The following CSGALNACT1 variants were observed in gnomAD, a reference collection of about 807,000 sequenced individuals.
The protein encoded by CSGALNACT1 is chondroitin sulfate N-acetylgalactosaminyltransferase 1.
Under a neutral mutation model 51.0 loss-of-function variants are expected in CSGALNACT1, and 52 were observed. That is an observed-to-expected ratio of 1.02 (90% CI 0.82 to 1.29). CSGALNACT1 has a LOEUF of 1.29. Ranked by LOEUF, CSGALNACT1 falls within the 50% of genes most tolerant of loss-of-function variation. The probability of loss-of-function intolerance (pLI) is 0.00; values close to 1 mark genes in which losing one functional copy is unlikely to be tolerated. For missense variants in CSGALNACT1, 935 were observed against 679.2 expected, an observed-to-expected ratio of 1.38 and a Z score of -4.19; for synonymous variants, 341 against 254.4, an observed-to-expected ratio of 1.34 and a Z score of -3.24.
chr8:19,473,630 G>A (rs111689827), intron 4 of CSGALNACT1, among the ~76,000 whole-genome samples: 141 of 152,278 alleles, frequency 9.3e-4, no homozygotes, highest in African/African-American at 3.2e-3. Context: ...CACAGTATCT[G>A]TTCAAAGCCT....
chr8:19,521,566 C>A (rs932790466), intron 3 of CSGALNACT1, among the ~76,000 whole-genome samples: 6 of 152,076 alleles, frequency 3.9e-5, no homozygotes, highest in Non-Finnish European at 7.4e-5. Context: ...GCTTGTAATC[C>A]CAGCTATTCA....
intron 4 of CSGALNACT1, among the ~76,000 whole-genome samples, chr8:19,489,305 C>A (rs918836453): frequency 6.6e-6 from 1 of 152,128 alleles, no homozygotes; most frequent in Non-Finnish European, 1.5e-5. Flanking sequence ...TCATCACTAT[C>A]CAATGTTTAT....
chr8:19,427,398 G>A (rs559073271), intron 6 of CSGALNACT1, among the ~76,000 whole-genome samples: 1 of 152,330 alleles, frequency 6.6e-6, no homozygotes, highest in Admixed American at 6.5e-5. Flanking sequence ...ATCAAAGCCA[G>A]CTTCAGCGGG....
intron 1 of CSGALNACT1, among the ~76,000 whole-genome samples, chr8:19,620,627 G>T (rs985410753): frequency 6.6e-6 from 1 of 152,068 alleles, no homozygotes; most frequent in South Asian, 2.1e-4. Context: ...TGAGATGGGG[G>T]TCTCACTACG....
At chr8:19,589,672 T>C (rs991046848) in intron 3 of CSGALNACT1, among the ~76,000 whole-genome samples, 1 of 152,156 alleles carries the variant, frequency 6.6e-6, no homozygotes, top group African/African-American at 2.4e-5. Context: ...TAACTGAAAT[T>C]AAAATAATCT....
intron 1 of CSGALNACT1, among the ~76,000 whole-genome samples, chr8:19,745,084 T>C (rs555412437): frequency 3.3e-4 from 50 of 152,338 alleles, no homozygotes; most frequent in Non-Finnish European, 5.1e-4. Context: ...CCTGTCATAG[T>C]CGTCTGACCC....
At chr8:19,555,646 C>T (rs2089529172) in intron 3 of CSGALNACT1, among the ~76,000 whole-genome samples, 1 of 152,204 alleles carries the variant, frequency 6.6e-6, no homozygotes, top group African/African-American at 2.4e-5. Context: ...GGTTACAATG[C>T]TGTTTATTGC....
chr8:19,439,909 C>T (rs2061028853), exon 6 of CSGALNACT1: 5 of 1,614,070 alleles, frequency 3.1e-6, no homozygotes, highest in African/African-American at 1.3e-5. Flanking sequence ...TGGACTCTCC[C>T]ATCCTGCTCA....
intron 5 of CSGALNACT1, among the ~76,000 whole-genome samples, chr8:19,443,264 A>G (rs535709075): frequency 6.6e-6 from 1 of 152,306 alleles, no homozygotes; most frequent in South Asian, 2.1e-4. Context: ...GTATGTGTAA[A>G]TGTGAATATA....
chr8:19,736,318 T>C (rs2063969855), intron 1 of CSGALNACT1, among the ~76,000 whole-genome samples: 1 of 152,194 alleles, frequency 6.6e-6, no homozygotes, highest in Non-Finnish European at 1.5e-5. Flanking sequence ...CTTGAGTAGT[T>C]GTAACTTACA....
At chr8:19,624,164 G>T (rs2054167023) in intron 1 of CSGALNACT1, among the ~76,000 whole-genome samples, 1 of 152,166 alleles carries the variant, frequency 6.6e-6, no homozygotes, top group Admixed American at 6.5e-5. Context: ...CAACAGTGTA[G>T]CCCCTCTGAG....
In CSGALNACT1 at chr8:19,528,196, C is replaced by A. The variant is rs559166741; in HGVS notation, c.-296-22066G>T. 2.0e-5 allele frequency among the ~76,000 whole-genome samples: 3 copies of A among 151,988 alleles called. No homozygotes were observed. The South Asian group carries it at 6.2e-4, about 32-fold the overall frequency. ...GCCCATTTTTGCCACGTATCCCGGT[C>A]ATGTTCTCCAAATTAGCCAATATTT... On this transcript the variant is annotated intron_variant, in intron 3 of 9. Coordinates refer to ENST00000454498, the Ensembl canonical transcript of CSGALNACT1.
chr8:19,680,419 G>T (rs1025271128), intron 1 of CSGALNACT1, among the ~76,000 whole-genome samples: 20 of 152,022 alleles, frequency 1.3e-4, no homozygotes, highest in African/African-American at 4.8e-4. Flanking sequence ...AGCCGGGTGT[G>T]GTGGCGGGTG....
chr8:19,597,492 G>A (rs1374373337), intron 2 of CSGALNACT1, among the ~76,000 whole-genome samples: 1 of 151,700 alleles, frequency 6.6e-6, no homozygotes, highest in Non-Finnish European at 1.5e-5. Flanking sequence ...TTGTAGAGAT[G>A]GGGTCTTCTC....
At chr8:19,478,758 A>C (rs1234083665) in intron 4 of CSGALNACT1, among the ~76,000 whole-genome samples, 2 of 152,204 alleles carry the variant, frequency 1.3e-5, no homozygotes, top group Non-Finnish European at 2.9e-5. Context: ...GCTTCAGTAA[A>C]AAAGCATTAA....
chr8:19,435,607 G>T (rs1489301642), intron 6 of CSGALNACT1, among the ~76,000 whole-genome samples: 1 of 152,154 alleles, frequency 6.6e-6, no homozygotes, highest in African/African-American at 2.4e-5. Flanking sequence ...CTAGTTCAGT[G>T]ATGGTTCCCA....
intron 3 of CSGALNACT1, among the ~76,000 whole-genome samples, chr8:19,582,282 C>T (rs2045742918): frequency 6.6e-6 from 1 of 152,176 alleles, no homozygotes; most frequent in African/African-American, 2.4e-5. Context: ...AAGACACCAA[C>T]AGACAAACCT....
At chr8:19,689,085 C>A (rs2061142389) in intron 1 of CSGALNACT1, among the ~76,000 whole-genome samples, 1 of 152,160 alleles carries the variant, frequency 6.6e-6, no homozygotes, top group South Asian at 2.1e-4. Flanking sequence ...ATACCAAAAT[C>A]TTTGATTCTC....
intron 1 of CSGALNACT1, among the ~76,000 whole-genome samples, chr8:19,661,826 A>G (rs1468826490): frequency 6.6e-6 from 1 of 152,008 alleles, no homozygotes; most frequent in Admixed American, 6.6e-5. Context: ...TTGCCTTTCT[A>G]TTTCTCCCAC....
Sources: gnomAD v4.1 joint callset for allele counts (sites outside exome capture counted in the v4.1 genomes callset) on GRCh38, gnomAD v4.1.1 for gene constraint, MANE v1.5 for transcripts, NCBI Gene and HGNC (gene_info 2026-07-23, HGNC 2026-07-21) for gene names.